Variants in MYBL2 observed in about 807,000 individuals in gnomAD.
MYBL2 encodes MYB proto-oncogene like 2, also known as myb-related protein B.
Under a neutral mutation model 79.9 loss-of-function variants are expected in MYBL2, and 28 were observed. The observed-to-expected ratio is 0.35, with a 90% CI of 0.26 to 0.48. The LOEUF is 0.48. Ranked by LOEUF, MYBL2 falls within the 20% of genes least tolerant of loss-of-function variation. The pLI is 0.99. For synonymous variants in MYBL2, 378 were observed against 361.2 expected, an observed-to-expected ratio of 1.05 and a Z score of -0.53; for missense variants, 735 against 893.9, an observed-to-expected ratio of 0.82 and a Z score of 2.27.
chr20:43,674,007 G>C lies in MYBL2; in HGVS notation c.114+108G>C. 7 of 949,338 alleles carry C rather than the reference G, an allele frequency of 7.4e-6. No individual in the cohort carries two copies. In the East Asian group the frequency reaches 1.1e-4, roughly 14 times the overall value. The allele number at this position is 949,338 out of a possible 1,614,324, so 58.8% of individuals were successfully genotyped here. A position where few individuals can be genotyped will look rare whatever the true frequency, so the allele number is the denominator to read the frequency against. On this transcript the variant is annotated intron_variant, in intron 2 of 13. Transcript: ENST00000217026. Reference sequence around the variant, plus strand: ...TCAGATGGGATGAAGAGGAGGAGCCGGTGAAGGAAGGGATGGGTCCTCTGA... The same window carrying C: ...TCAGATGGGATGAAGAGGAGGAGCCCGTGAAGGAAGGGATGGGTCCTCTGA...
At position 43,715,958 on chromosome 20, in the gene MYBL2, G is replaced by A. The variant is rs1275854580; in HGVS notation, c.1975-1G>A. 6.2e-7 allele frequency: 1 copy of A among 1,609,732 alleles called. No individual in the cohort carries two copies. Among genetic ancestry groups the A allele is most frequent in the Non-Finnish European group, 8.5e-7 (1 of 1,178,896 alleles). The stretch of plus-strand genomic sequence containing the variant: ...ATGGTAACCCTCTTGCCTCCTCCCA[G>A]ATGTCCAGTGCCTGGAAGACGGTGG... On this transcript the variant is annotated splice_acceptor_variant, in intron 13 of 13. Coordinates refer to ENST00000217026, the MANE Select transcript of MYBL2 (RefSeq NM_002466.4). LOFTEE classifies it high-confidence loss of function.
Position 43,687,023 on chromosome 20 carries a change from A to G in MYBL2, c.451A>G (p.Lys151Glu). 6.2e-7 allele frequency: 1 copy of G among 1,613,772 alleles called. No homozygotes were observed. Reference protein sequence around the residue: ...EEDRIICEAHKVLGNRWAEIA... With the variant: ...EEDRIICEAHEVLGNRWAEIA... ...GGACCGCATCATCTGCGAGGCCCAC[A>G]AGGTGCTGGGCAACCGCTGGGCCGA... The change falls in exon 5 of 14, where the codon AAG becomes GAG. Residue 151 changes from lysine to glutamate, a missense_variant. Transcript: ENST00000217026.
At chr20:43,680,621 A>C (rs1215744296) in intron 2 of MYBL2, among the ~76,000 whole-genome samples, 24 of 151,886 alleles carry the variant, frequency 1.6e-4, no homozygotes. Context: ...CATCCTCCCG[A>C]GTAGCTGGGA....
chr20:43,683,090 C>T lies in MYBL2; in HGVS notation c.279+204C>T, dbSNP rs932851181. Reference sequence around the variant, plus strand: ...TTCAGAGTGTCTCCAGGCTTCCTCACTCATGGTCTGAGGGCTATTGGGCTG... The same window carrying T: ...TTCAGAGTGTCTCCAGGCTTCCTCATTCATGGTCTGAGGGCTATTGGGCTG... On this transcript the variant is annotated intron_variant, in intron 4 of 13. Coordinates refer to ENST00000217026, the MANE Select transcript of MYBL2 (RefSeq NM_002466.4). Among the ~76,000 whole-genome samples, 9 of 152,328 alleles carry T rather than the reference C, an allele frequency of 5.9e-5. No homozygotes were observed. The East Asian group carries it at 1.7e-3, about 29-fold the overall frequency.
chr20:43,687,105 C>T (rs748480496), intron 5 of MYBL2, 33 bp downstream of exon 5: 19 of 1,599,922 alleles, frequency 1.2e-5, no homozygotes, highest in African/African-American at 2.7e-5. Flanking sequence ...GGGACAGGTT[C>T]CCGGGAGGCC....
intron 8 of MYBL2, 131 bp downstream of exon 8, chr20:43,703,034 T>C: frequency 9.6e-7 from 1 of 1,042,036 alleles, no homozygotes; most frequent in Non-Finnish European, 1.3e-6. Context: ...GAAGACCAGG[T>C]AACTAAAAAA....
At chr20:43,685,747 A>G (rs1987257810) in intron 4 of MYBL2, among the ~76,000 whole-genome samples, 1 of 151,026 alleles carries the variant, frequency 6.6e-6, no homozygotes, top group African/African-American at 2.4e-5. Flanking sequence ...AGAGTGAGAC[A>G]CTGTCTCAAA....
chr20:43,706,602 T>A (rs2145731634), intron 9 of MYBL2, among the ~76,000 whole-genome samples: 1 of 151,546 alleles, frequency 6.6e-6, no homozygotes, highest in Admixed American at 6.6e-5. Flanking sequence ...GCTCAGTGGC[T>A]CACACTTGTA....
At position 43,696,733 on chromosome 20, in the gene MYBL2, A is replaced by ATT. The variant is rs3092542; in HGVS notation, c.664-3018_664-3017dup. Among the ~76,000 whole-genome samples, 3 of 151,944 alleles carry ATT rather than the reference A, an allele frequency of 2.0e-5. No individual in the cohort carries two copies. In the East Asian group the frequency reaches 5.8e-4, roughly 29 times the overall value. On this transcript the variant is annotated intron_variant, in intron 6 of 13. Transcript: ENST00000217026. The stretch of plus-strand genomic sequence containing the variant: ...GTACATTTGCTGAACTGTGTGGTTG[A>ATT]TTTTTTTGTTTTTAGATGGGGTCTC...
chr20:43,701,014 A>C (rs1987664946), intron 7 of MYBL2, among the ~76,000 whole-genome samples: 1 of 152,176 alleles, frequency 6.6e-6, no homozygotes, highest in Admixed American at 6.5e-5. Context: ...CCTAATGTGT[A>C]GGCTCTTAGT....
intron 13 of MYBL2, among the ~76,000 whole-genome samples, 182 bp downstream of exon 13, chr20:43,715,465 C>T (rs112535396): frequency 1.4e-4 from 22 of 152,358 alleles, no homozygotes; most frequent in African/African-American, 5.3e-4. Context: ...GCTTAACTTA[C>T]TCTTCTGATT....
chr20:43,715,115 G>C lies in MYBL2; in HGVS notation c.1825-19G>C. 1 of 1,613,556 alleles carries C rather than the reference G, an allele frequency of 6.2e-7. No individual in the cohort carries two copies. Among genetic ancestry groups the C allele is most frequent in the South Asian group, 1.1e-5 (1 of 91,038 alleles). ...GCTTCTCGCAAAATGGTGACTCCTT[G>C]ACTTGGTTTTGGTTTCAGCCGACAA... On this transcript the variant is annotated intron_variant, in intron 12 of 13. Coordinates refer to ENST00000217026, the MANE Select transcript of MYBL2 (RefSeq NM_002466.4).
chr20:43,700,977 G>A (rs746814805), intron 7 of MYBL2, among the ~76,000 whole-genome samples: 13 of 152,196 alleles, frequency 8.5e-5, no homozygotes, highest in Non-Finnish European at 1.0e-4. Context: ...TGGAGTGCTT[G>A]CCGCGTGCCA....
chr20:43,674,087 CAGTG>C (rs1377180341), intron 2 of MYBL2, among the ~76,000 whole-genome samples, 188 bp downstream of exon 2: 1 of 151,980 alleles, frequency 6.6e-6, no homozygotes, highest in Non-Finnish European at 1.5e-5. Flanking sequence ...TTTGAGGACT[CAGTG>C]GGTGGGAAGG....
At chr20:43,715,869 A>G (rs1202625089) in intron 13 of MYBL2, 90 bp from the exon 14 acceptor site, 4 of 1,480,706 alleles carry the variant, frequency 2.7e-6, no homozygotes, top group Non-Finnish European at 3.6e-6. Context: ...AGGGAGGCTT[A>G]TAACTCTACC....
chr20:43,673,798 C>T lies in MYBL2; in HGVS notation c.21-8C>T, dbSNP rs1257684191. The T allele has an allele frequency of 1.3e-6, 2 of 1,569,844 alleles. No individual in the cohort carries two copies. The highest frequency in any genetic ancestry group is 1.4e-5 in the African/African-American group (1 of 73,874). The stretch of plus-strand genomic sequence containing the variant: ...CCATCCTTGACCCTTGGCCTGCTTT[C>T]CCCATAGCGAGGATCTGGATGAGCT... On this transcript the variant is annotated splice_polypyrimidine_tract_variant and splice_region_variant and intron_variant, in intron 1 of 13. Transcript: ENST00000217026.
chr20:43,692,449 G>A, intron 6 of MYBL2, 130 bp downstream of exon 6: 1 of 1,177,554 alleles, frequency 8.5e-7, no homozygotes, highest in Non-Finnish European at 1.2e-6. Context: ...TGTGCTTCTG[G>A]GGCCTTGTGA....
At chr20:43,709,820 G>A in intron 9 of MYBL2, 143 bp from the exon 10 acceptor site, 2 of 652,726 alleles carry the variant, frequency 3.1e-6, no homozygotes, top group South Asian at 4.6e-5. Flanking sequence ...CCCTGACTTG[G>A]ACCTGCAGGG....
intron 2 of MYBL2, among the ~76,000 whole-genome samples, chr20:43,679,659 T>C (rs1987099798): frequency 6.6e-6 from 1 of 152,130 alleles, no homozygotes; most frequent in Non-Finnish European, 1.5e-5. Flanking sequence ...CTCAGGCCTG[T>C]AATCCCAGCA....
Sources: gnomAD v4.1 joint callset for allele counts (sites outside exome capture counted in the v4.1 genomes callset) on GRCh38, gnomAD v4.1.1 for gene constraint, MANE v1.5 for transcripts, NCBI Gene and HGNC (gene_info 2026-07-23, HGNC 2026-07-21) for gene names.